The following GSE1 variants were observed in gnomAD, a reference collection of about 807,000 sequenced individuals.
GSE1 encodes Gse1 coiled-coil protein.
Under a neutral mutation model 112.6 loss-of-function variants are expected in GSE1, and 32 were observed. That is an observed-to-expected ratio of 0.28 (90% CI 0.21 to 0.38). The LOEUF is 0.38. Among genes scored for constraint, GSE1 ranks in the 10% least tolerant of loss-of-function variants. The pLI, the probability that GSE1 is intolerant of heterozygous loss-of-function variation, is 1.00. For synonymous variants in GSE1, 1,115 were observed against 735.6 expected (o/e 1.52, Z -8.35); for missense variants, 2,348 against 1,699.2 (o/e 1.38, Z -6.71).
intron 1 of GSE1, among the ~76,000 whole-genome samples, chr16:85,181,842 AG>A (rs1296536515): frequency 1.3e-5 from 2 of 152,186 alleles, no homozygotes; most frequent in Admixed American, 1.3e-4. Flanking sequence ...GGGTAGGTTG[AG>A]GCCTGGATGT....
rs1237298959 is a variant in GSE1 at position 85,666,093 on chromosome 16, A to T, written c.2876A>T (p.Glu959Val). 6.2e-7 allele frequency: 1 copy of T among 1,613,194 alleles called. No homozygotes were observed. The highest frequency in any genetic ancestry group is 1.3e-5 in the African/African-American group (1 of 75,048). The change falls in exon 13 of 16, where the codon GAG (glutamate) becomes GTG (valine). Residue 959 changes from glutamate to valine, a missense_variant. Glu to Val is a moderately radical substitution (Grantham distance 121, BLOSUM62 -2). Transcript: ENST00000253458. ...PGKLEQVRPQ[E>V]LSRVQELAPA... ...AAGCTGGAACAGGTCCGGCCCCAGG[A>T]GCTGTCGAGAGTCCAGGAGCTAGCT...
intron 2 of GSE1, among the ~76,000 whole-genome samples, chr16:85,473,013 G>T (rs2050341844): frequency 6.6e-6 from 1 of 152,286 alleles, no homozygotes; most frequent in South Asian, 2.1e-4. Flanking sequence ...AGGCTGAGGA[G>T]TTTTGGGGTG....
chr16:85,350,088 G>C (rs955251748), intron 1 of GSE1, among the ~76,000 whole-genome samples: 1 of 152,214 alleles, frequency 6.6e-6, no homozygotes, highest in African/African-American at 2.4e-5. Context: ...TTCAGGTGGG[G>C]TTGCTGGGAT....
chr16:85,522,976 T>C (rs2052237901), intron 2 of GSE1, among the ~76,000 whole-genome samples: 1 of 152,118 alleles, frequency 6.6e-6, no homozygotes, highest in Non-Finnish European at 1.5e-5. Context: ...GTTGTGTGTA[T>C]GATTGTGCAT....
chr16:85,545,780 G>T (rs1241942803), intron 2 of GSE1, among the ~76,000 whole-genome samples: 3 of 152,154 alleles, frequency 2.0e-5, no homozygotes, highest in South Asian at 2.1e-4. Flanking sequence ...TGGTTTGTTT[G>T]TTTGTTTGTT....
chr16:85,512,486 G>A (rs1023394158), intron 2 of GSE1, among the ~76,000 whole-genome samples: 4 of 152,196 alleles, frequency 2.6e-5, no homozygotes, highest in African/African-American at 4.8e-5. Flanking sequence ...GGAACCCCAC[G>A]CTTCAAAGTG....
chr16:85,644,664 T>G (rs1267396751), intron 2 of GSE1, among the ~76,000 whole-genome samples: 1 of 151,532 alleles, frequency 6.6e-6, no homozygotes, highest in Non-Finnish European at 1.5e-5. Context: ...GAGACGGGAG[T>G]GGTTGCTCAT....
At chr16:85,403,394 G>A (rs536932160) in intron 2 of GSE1, among the ~76,000 whole-genome samples, 3 of 152,190 alleles carry the variant, frequency 2.0e-5, no homozygotes, top group African/African-American at 2.4e-5. Context: ...TTGGGGGCTC[G>A]TCAAAGCTGC....
rs200595679 is a variant in GSE1 at position 85,194,108 on chromosome 16, C to A, written c.2283+22301C>A. The stretch of plus-strand genomic sequence containing the variant: ...GCAGAGCTCGACTCTGACTCAACGA[C>A]GTAGCAGAGCTTCACTCTGACTCCA... On this transcript the variant is annotated intron_variant, in intron 1 of 2. Coordinates refer to the GSE1 transcript ENST00000637419. 2.9e-4 allele frequency among the ~76,000 whole-genome samples: 44 copies of A among 152,312 alleles called. No individual in the cohort carries two copies. In the East Asian group the frequency reaches 7.1e-3, roughly 25 times the overall value.
chr16:85,551,898 G>T (rs2044932163), upstream of GSE1, among the ~76,000 whole-genome samples: 1 of 152,228 alleles, frequency 6.6e-6, no homozygotes, highest in Admixed American at 6.5e-5. Flanking sequence ...GATCAGCCAG[G>T]AGCTGGCCCA....
At chr16:85,299,561 G>T (rs2045459958) in intron 1 of GSE1, among the ~76,000 whole-genome samples, 1 of 152,240 alleles carries the variant, frequency 6.6e-6, no homozygotes, top group Admixed American at 6.5e-5. Flanking sequence ...TTCAAGCCCA[G>T]CATGTCACAC....
intron 2 of GSE1, among the ~76,000 whole-genome samples, chr16:85,488,195 C>A (rs1167796782): frequency 2.0e-5 from 3 of 152,124 alleles, no homozygotes; most frequent in African/African-American, 7.2e-5. Flanking sequence ...GGACATGGGC[C>A]CTGCTGCCTC....
chr16:85,666,937 AC>A (rs1459700556), intron 13 of GSE1, among the ~76,000 whole-genome samples: 2 of 152,274 alleles, frequency 1.3e-5, no homozygotes, highest in Admixed American at 1.3e-4. Flanking sequence ...AGCACCAGGT[AC>A]TACATTGAAT....
At chr16:85,636,663 G>A (rs1198588988) in intron 2 of GSE1, among the ~76,000 whole-genome samples, 8 of 145,260 alleles carry the variant, frequency 5.5e-5, no homozygotes, top group East Asian at 2.1e-4. Context: ...GGTCGTGTCC[G>A]TGTCCCACTG....
chr16:85,257,817 A>G (rs1907244678), intron 1 of GSE1, among the ~76,000 whole-genome samples: 1 of 152,212 alleles, frequency 6.6e-6, no homozygotes, highest in Non-Finnish European at 1.5e-5. Context: ...AAAAACAAAA[A>G]AGAGAAAAGG....
Position 85,636,923 on chromosome 16 carries a change from T to TA in GSE1, c.226+2792dup, listed in dbSNP as rs546546850. On this transcript the variant is annotated intron_variant, in intron 2 of 15. Coordinates refer to ENST00000253458, the MANE Select transcript of GSE1 (RefSeq NM_014615.5). ...TGTGGACCCCCCAGCTCCCCTGTGC[T>TA]ACCCCCCCAGCTCCCTGGTGCTACC... Among the ~76,000 whole-genome samples, 1,307 of 150,430 alleles carry TA rather than the reference T, an allele frequency of 8.7e-3. 9 individuals carry two copies. Among genetic ancestry groups the TA allele is most frequent in the Non-Finnish European group, 0.014 (958 of 67,746 alleles).
intron 1 of GSE1, among the ~76,000 whole-genome samples, chr16:85,340,128 A>G (rs2046593128): frequency 6.6e-6 from 1 of 152,204 alleles, no homozygotes; most frequent in Non-Finnish European, 1.5e-5. Context: ...TCATCATGCA[A>G]GGCTGAGCCC....
intron 1 of GSE1, among the ~76,000 whole-genome samples, chr16:85,173,422 C>G (rs4072655): frequency 1.3e-5 from 2 of 152,042 alleles, no homozygotes; most frequent in African/African-American, 4.8e-5. Flanking sequence ...GGTGAGAGTT[C>G]AATGGATTGG....
chr16:85,178,043 G>C (rs983189408), intron 1 of GSE1, among the ~76,000 whole-genome samples: 4 of 152,190 alleles, frequency 2.6e-5, no homozygotes. Flanking sequence ...TATGACATCA[G>C]GCATCCCCTG....
Sources: allele counts gnomAD v4.1 joint callset (sites outside exome capture counted in the v4.1 genomes callset), GRCh38; gene constraint gnomAD v4.1.1; transcripts MANE v1.5; gene names NCBI Gene and HGNC (gene_info 2026-07-23, HGNC 2026-07-21).